The following RNF24 variants were observed in gnomAD, a reference collection of about 807,000 sequenced individuals.
RNF24 encodes ring finger protein 24.
RNF24 carries 14 observed loss-of-function variants against 20.0 expected under a neutral mutation model. The ratio of observed to expected loss-of-function variants is 0.70; its 90% CI spans 0.46 to 1.10. The LOEUF (loss-of-function observed/expected upper bound fraction) is 1.10. Ranked by LOEUF, RNF24 falls within the 50% of genes least tolerant of loss-of-function variation. The pLI, the probability that RNF24 is intolerant of heterozygous loss-of-function variation, is 0.00. For missense variants in RNF24, 124 were observed against 177.6 expected (o/e 0.70, Z 1.71); for synonymous variants, 45 against 61.1 (o/e 0.74, Z 1.23).
chr20:3,939,366 C>A (rs764928192), intron 4 of RNF24, among the ~76,000 whole-genome samples: 28 of 152,108 alleles, frequency 1.8e-4, no homozygotes, highest in Non-Finnish European at 8.8e-5. Context: ...TTTGAGTAAT[C>A]TTTGTATATA....
At chr20:3,949,431 A>G (rs949708366) in intron 2 of RNF24, among the ~76,000 whole-genome samples, 1 of 151,938 alleles carries the variant, frequency 6.6e-6, no homozygotes, top group Admixed American at 6.6e-5. Flanking sequence ...CATGCCTGTA[A>G]TCCCAGCACT....
At chr20:4,000,890 C>G (rs1981331652) in intron 1 of RNF24, among the ~76,000 whole-genome samples, 1 of 152,178 alleles carries the variant, frequency 6.6e-6, no homozygotes, top group Non-Finnish European at 1.5e-5. Flanking sequence ...AGGGTCAAAA[C>G]TTACTTGAAT....
intron 4 of RNF24, 36 bp downstream of exon 4, chr20:3,945,141 A>G: frequency 6.3e-7 from 1 of 1,591,886 alleles, no homozygotes. Flanking sequence ...TGCTACTAGA[A>G]AATGGCTCAA....
intron 1 of RNF24, among the ~76,000 whole-genome samples, chr20:3,997,414 G>T (rs1980973208): frequency 6.6e-6 from 1 of 151,538 alleles, no homozygotes; most frequent in African/African-American, 2.4e-5. Context: ...CTAATTCTAG[G>T]TCAGAAAAAT....
intron 1 of RNF24, among the ~76,000 whole-genome samples, chr20:3,995,652 A>G (rs1040064790): frequency 6.6e-6 from 1 of 152,210 alleles, no homozygotes; most frequent in Admixed American, 6.5e-5. Flanking sequence ...TAAAAATTAC[A>G]GTCCTAAGCA....
chr20:3,984,265 T>G (rs1242844449), intron 1 of RNF24, among the ~76,000 whole-genome samples: 1 of 152,018 alleles, frequency 6.6e-6, no homozygotes. Flanking sequence ...AAAAGAAAGC[T>G]TTTGGCAAAT....
rs2090815539 is a variant in RNF24 at position 3,931,079 on chromosome 20, T to C, written c.*2984A>G. The C allele has an allele frequency of 6.6e-6, 1 of 152,276 alleles. No individual in the cohort carries two copies. Among genetic ancestry groups the C allele is most frequent in the Admixed American group, 6.5e-5 (1 of 15,288 alleles). 9.4% of individuals were successfully genotyped at this position (152,276 alleles called of 1,614,324 possible). A position where few individuals can be genotyped will look rare whatever the true frequency, so the allele number is the denominator to read the frequency against. On this transcript the variant is annotated 3_prime_UTR_variant, in exon 6 of 6. Transcript: ENST00000358395. ...CAGGAATCAAGTCAGGCTGGTTTTG[T>C]TCCCTGTTTCTGAAGGCAGTTGAAT...
At chr20:4,009,710 C>T (rs185007780) in intron 1 of RNF24, among the ~76,000 whole-genome samples, 56 of 152,078 alleles carry the variant, frequency 3.7e-4, no homozygotes, top group Admixed American at 1.6e-3. Context: ...GTAGCTTTGC[C>T]GGGCAGTGCT....
At chr20:4,009,335 G>C (rs951620179) in intron 1 of RNF24, among the ~76,000 whole-genome samples, 4 of 152,176 alleles carry the variant, frequency 2.6e-5, no homozygotes, top group African/African-American at 9.7e-5. Flanking sequence ...GATGGGCAAC[G>C]TCACGGCATA....
intron 1 of RNF24, among the ~76,000 whole-genome samples, chr20:4,008,475 A>AAT (rs1982141514): frequency 3.5e-5 from 4 of 115,290 alleles, no homozygotes; most frequent in South Asian, 4.5e-4. Flanking sequence ...TAATATGTAT[A>AAT]ATATATAATA....
chr20:3,931,718 C>T lies in RNF24; in HGVS notation c.*2345G>A, dbSNP rs955812955. The T allele has an allele frequency of 1.3e-5, 2 of 152,344 alleles. No homozygotes were observed. The highest frequency in any genetic ancestry group is 3.9e-4 in the East Asian group (2 of 5,186). The allele number at this position is 152,344 out of a possible 1,614,324, so 9.4% of individuals were successfully genotyped here. ...GAATGAATGCATTTTAAAACCAGTC[C>T]ACATTCACATGTGCTGAGAAGGTTG... On this transcript the variant is annotated 3_prime_UTR_variant, in exon 6 of 6. Transcript: ENST00000358395.
rs2090812212 is a variant in RNF24 at position 3,930,812 on chromosome 20, G to A, written c.*3251C>T. The A allele has an allele frequency of 6.6e-6, 1 of 152,262 alleles. No homozygotes were observed. The highest frequency in any genetic ancestry group is 1.5e-5 in the Non-Finnish European group (1 of 68,090). 9.4% of individuals were successfully genotyped at this position (152,262 alleles called of 1,614,324 possible). On this transcript the variant is annotated 3_prime_UTR_variant, in exon 6 of 6. Transcript: ENST00000358395. ...TGATGGATCCAAGGGGCTTGGCACT[G>A]GGGAAAAGGATCTTCTTGTCAAGAA... is the stretch of plus-strand genomic sequence containing the variant.
At position 3,934,678 on chromosome 20, in the gene RNF24, A is replaced by C. The variant is rs1162102395; in HGVS notation, c.308+316T>G. Among the ~76,000 whole-genome samples the C allele has an allele frequency of 1.3e-4, 20 of 152,220 alleles. No individual in the cohort carries two copies. Among genetic ancestry groups the C allele is most frequent in the Admixed American group, 1.3e-3 (20 of 15,284 alleles). ...TTTTAAATAACTATGGTTTTGATTTAAATAAGTTTTTAGGAGATGAGGCTC... is the reference window on the plus strand; with the variant it reads ...TTTTAAATAACTATGGTTTTGATTTCAATAAGTTTTTAGGAGATGAGGCTC... On this transcript the variant is annotated intron_variant, in intron 5 of 5. Transcript: ENST00000358395. The surrounding 1 kb of genome is among the most constrained non-coding windows in gnomAD (Gnocchi z 4.0).
chr20:3,949,489 C>T (rs2091058010), intron 2 of RNF24, among the ~76,000 whole-genome samples: 1 of 152,042 alleles, frequency 6.6e-6, no homozygotes, highest in African/African-American at 2.4e-5. Flanking sequence ...AGTTCGAGAC[C>T]AGCCTGGGCA....
chr20:3,990,699 T>TAC (rs1305974392), intron 1 of RNF24, among the ~76,000 whole-genome samples: 6 of 151,964 alleles, frequency 3.9e-5, no homozygotes, highest in African/African-American at 9.7e-5. Context: ...AATATATATA[T>TAC]ACACACACAC....
At chr20:3,963,791 C>A in intron 2 of RNF24, 84 bp downstream of exon 2, 1 of 1,229,146 alleles carries the variant, frequency 8.1e-7, no homozygotes, top group South Asian at 1.6e-5. Context: ...TATCATACTT[C>A]ATTTTAAAAA....
rs146278311 is a variant in RNF24, at chr20:4,014,739, GCACACACACACACA to G, written c.-8+684_-8+697del. Among the ~76,000 whole-genome samples, 5 of 143,670 alleles carry G rather than the reference GCACACACACACACA, an allele frequency of 3.5e-5. No homozygotes were observed. The East Asian group carries it at 6.3e-4, about 18-fold the overall frequency. The allele number at this position is 143,670 out of a possible 152,430, so 94.3% of individuals were successfully genotyped here. A position where few individuals can be genotyped will look rare whatever the true frequency, so the allele number is the denominator to read the frequency against. ...ATAGATGTCCCTTTCACTTGAATGC[GCACACACACACACA>G]CACACACACACACACACACACACAT... On this transcript the variant is annotated intron_variant, in intron 1 of 5. Coordinates refer to ENST00000358395, the MANE Select transcript of RNF24 (RefSeq NM_001134337.3).
At position 3,934,933 on chromosome 20, in the gene RNF24, A is replaced by G; in HGVS notation, c.308+61T>C. On this transcript the variant is annotated intron_variant, in intron 5 of 5. Coordinates refer to ENST00000358395, the MANE Select transcript of RNF24 (RefSeq NM_001134337.3). The surrounding 1 kb of genome is among the most constrained non-coding windows in gnomAD (Gnocchi z 4.0). The stretch of plus-strand genomic sequence containing the variant: ...GTCTGGCACTGCCCTAAAACCCAAA[A>G]GAAGTTGGTTGATGTGCCTCAAACT... The G allele has an allele frequency of 1.4e-6, 2 of 1,427,460 alleles. No individual in the cohort carries two copies. Among genetic ancestry groups the G allele is most frequent in the Non-Finnish European group, 2.0e-6 (2 of 1,011,720 alleles). 88.4% of individuals were successfully genotyped at this position (1,427,460 alleles called of 1,614,324 possible). A position where few individuals can be genotyped will look rare whatever the true frequency, so the allele number is the denominator to read the frequency against.
chr20:4,000,097 TAGAC>T lies in RNF24; in HGVS notation c.-8+15336_-8+15339del, dbSNP rs1426510124. Among the ~76,000 whole-genome samples the T allele has an allele frequency of 4.6e-5, 7 of 152,322 alleles. 1 individual carries two copies. Among genetic ancestry groups the T allele is most frequent in the Admixed American group, 2.6e-4 (4 of 15,300 alleles). On this transcript the variant is annotated intron_variant, in intron 1 of 5. Transcript: ENST00000358395. ...AATGTTCTAAAATTGATTGTGGTGA[TAGAC>T]AGAAAACTCTAATATTCTAAAAGCC...
Sources: gnomAD v4.1 joint callset for allele counts (sites outside exome capture counted in the v4.1 genomes callset) on GRCh38, gnomAD v4.1.1 for gene constraint, Gnocchi (gnomAD v3.1) non-coding constraint, MANE v1.5 for transcripts, NCBI Gene and HGNC (gene_info 2026-07-23, HGNC 2026-07-21) for gene names.